Variants in TBC1D20 observed in about 807,000 individuals in gnomAD.
TBC1D20 encodes the protein chromosome 20 open reading frame 140.
In TBC1D20, 12 loss-of-function variants were observed where a neutral mutation model predicts 41.6. The observed-to-expected ratio is 0.29, with a 90% confidence interval of 0.18 to 0.47. The LOEUF (loss-of-function observed/expected upper bound fraction) is 0.47, where lower values mean the gene tolerates loss of function less well. Among genes scored for constraint, TBC1D20 ranks in the 20% least tolerant of loss-of-function variants. TBC1D20 has a pLI of 1.00. For missense variants in TBC1D20, 421 were observed against 517.4 expected, an observed-to-expected ratio of 0.81 and a Z score of 1.81; for synonymous variants, 205 against 204.8, an observed-to-expected ratio of 1.00 and a Z score of -0.01.
Position 435,875 on chromosome 20 carries a change from G to T in TBC1D20, c.*2711C>A. On this transcript the variant is annotated 3_prime_UTR_variant, in exon 8 of 8. Coordinates refer to ENST00000354200, the MANE Select transcript of TBC1D20 (RefSeq NM_144628.4). ...TATGGGGCAGCACCCTCTCTGGAAT[G>T]AGGGTCTTATGAGCTACAGTCAGAT... is the stretch of plus-strand genomic sequence containing the variant. 6.5e-6 allele frequency: 1 copy of T among 153,438 alleles called. No homozygotes were observed. The highest frequency in any genetic ancestry group is 1.9e-4 in the South Asian group (1 of 5,358). 9.5% of individuals were successfully genotyped at this position (153,438 alleles called of 1,614,324 possible).
intron 2 of TBC1D20, among the ~76,000 whole-genome samples, chr20:446,990 C>T (rs1360810682): frequency 6.8e-6 from 1 of 146,718 alleles, no homozygotes; most frequent in Non-Finnish European, 1.5e-5. Flanking sequence ...CACTCTGTCA[C>T]CCAGGCTGGA....
chr20:437,513 A>G lies in TBC1D20; in HGVS notation c.*1073T>C, dbSNP rs933034055. The G allele has an allele frequency of 1.3e-5, 2 of 152,432 alleles. No homozygotes were observed. Among genetic ancestry groups the G allele is most frequent in the African/African-American group, 2.4e-5 (1 of 41,416 alleles). The allele number at this position is 152,432 out of a possible 1,614,324, so 9.4% of individuals were successfully genotyped here. A position where few individuals can be genotyped will look rare whatever the true frequency, so the allele number is the denominator to read the frequency against. ...TCTGGAGAGTCTTTGCAAGTTTCCAACGACATTTCCAACCAGGTGGGAGAG... is the reference window on the plus strand; with the variant it reads ...TCTGGAGAGTCTTTGCAAGTTTCCAGCGACATTTCCAACCAGGTGGGAGAG... On this transcript the variant is annotated 3_prime_UTR_variant, in exon 8 of 8. Transcript: ENST00000354200.
chr20:439,419 A>G lies in TBC1D20; in HGVS notation c.769-124T>C. 1.4e-6 allele frequency: 1 copy of G among 691,492 alleles called. No individual in the cohort carries two copies. Among genetic ancestry groups the G allele is most frequent in the Non-Finnish European group, 2.5e-6 (1 of 407,540 alleles). The allele number at this position is 691,492 out of a possible 1,614,324, so 42.8% of individuals were successfully genotyped here. On this transcript the variant is annotated intron_variant, in intron 6 of 7. Coordinates refer to ENST00000354200, the MANE Select transcript of TBC1D20 (RefSeq NM_144628.4). This position sits in a 1 kb window ranked among gnomAD's most constrained non-coding sequence, Gnocchi z 4.6. ...CAGACAGGACTCAGCCCAAATGTTG[A>G]GCAAACTCTTGTATCCATCAAGGAA...
In TBC1D20 at chr20:449,285, T is replaced by TAAAAAAAAA. The variant is rs1169245536; in HGVS notation, c.71-1220_71-1212dup. On this transcript the variant is annotated intron_variant, in intron 1 of 7. Transcript: ENST00000354200. The stretch of plus-strand genomic sequence containing the variant: ...CTCCTGTCTCAGCCTCCCAATACAT[T>TAAAAAAAAA]AAAAAAAAAAAAAAAAAAAAGGTAA... Among the ~76,000 whole-genome samples the TAAAAAAAAA allele has an allele frequency of 1.8e-4, 10 of 56,930 alleles. 1 individual carries two copies. Among genetic ancestry groups the TAAAAAAAAA allele is most frequent in the African/African-American group, 8.3e-4 (9 of 10,870 alleles). The allele number at this position is 56,930 out of a possible 152,430, so 37.3% of individuals were successfully genotyped here.
chr20:453,153 C>CAAAAAAAAAAAA (rs71191943), intron 1 of TBC1D20, among the ~76,000 whole-genome samples: 1 of 44,838 alleles, frequency 2.2e-5, no homozygotes, highest in African/African-American at 8.6e-5. Flanking sequence ...AACTCCGTTT[C>CAAAAAAAAAAAA]AAAAAAAAAA....
Position 437,445 on chromosome 20 carries a change from A to G in TBC1D20, c.*1141T>C, listed in dbSNP as rs983335254. ...ACAAACCTGGCTTTGCTTACAGGGA[A>G]GCTGTCCCAGAAGGACTGAGTGATG... On this transcript the variant is annotated 3_prime_UTR_variant, in exon 8 of 8. Coordinates refer to ENST00000354200, the MANE Select transcript of TBC1D20 (RefSeq NM_144628.4). 3.9e-5 allele frequency: 6 copies of G among 152,658 alleles called. No individual in the cohort carries two copies. Among genetic ancestry groups the G allele is most frequent in the African/African-American group, 1.4e-4 (6 of 41,454 alleles). 9.5% of individuals were successfully genotyped at this position (152,658 alleles called of 1,614,324 possible).
intron 1 of TBC1D20, among the ~76,000 whole-genome samples, chr20:454,371 CA>C (rs1406622873): frequency 6.6e-6 from 1 of 151,678 alleles, no homozygotes; most frequent in African/African-American, 2.4e-5. Flanking sequence ...GGAGGACATT[CA>C]GGGGCTGGGA....
At chr20:438,918 C>T (rs1335055448) in intron 7 of TBC1D20, 77 bp from the exon 8 acceptor site, 14 of 1,552,860 alleles carry the variant, frequency 9.0e-6, no homozygotes, top group African/African-American at 6.9e-5. Context: ...ACATAGGCTG[C>T]GGGCAGAGCC....
chr20:440,641 C>G (rs2017210530), intron 5 of TBC1D20: 1 of 411,908 alleles, frequency 2.4e-6, no homozygotes, highest in African/African-American at 2.0e-5. Flanking sequence ...CAACAAATGT[C>G]AACTACAGGA....
intron 1 of TBC1D20, among the ~76,000 whole-genome samples, chr20:451,384 T>A (rs2017439422): frequency 6.6e-6 from 1 of 151,952 alleles, no homozygotes; most frequent in African/African-American, 2.4e-5. Flanking sequence ...GTCTCTACTT[T>A]AAAAATACAA....
intron 1 of TBC1D20, among the ~76,000 whole-genome samples, chr20:458,104 G>T (rs2017572372): frequency 6.6e-6 from 1 of 152,032 alleles, no homozygotes; most frequent in Admixed American, 6.6e-5. Context: ...AGTTTGTTTA[G>T]ACATACATCC....
intron 6 of TBC1D20, 131 bp downstream of exon 6, chr20:440,117 T>A: frequency 8.2e-7 from 1 of 1,220,706 alleles, no homozygotes; most frequent in Non-Finnish European, 1.1e-6. Context: ...CAGAATGGTG[T>A]CCAGGGACAC....
chr20:438,807 C>G lies in TBC1D20; in HGVS notation c.991G>C (p.Ala331Pro). The G allele has an allele frequency of 6.2e-7, 1 of 1,614,150 alleles. No homozygotes were observed. Among genetic ancestry groups the G allele is most frequent in the Middle Eastern group, 1.7e-4 (1 of 6,058 alleles). ...AASTFKDFEL[A>P]SAQQRPDMVL... ...ATATCAGGCCTCTGCTGGGCTGATGCCAGCTCAAAGTCTTTGAAAGTAGAG... is the reference window on the plus strand; with the variant it reads ...ATATCAGGCCTCTGCTGGGCTGATGGCAGCTCAAAGTCTTTGAAAGTAGAG... The change falls in exon 8 of 8, where the codon GCA (alanine) becomes CCA (proline). Residue 331 changes from alanine (A) to proline (P), a missense_variant. Physicochemically the swap from Ala to Pro is conservative, Grantham distance 27. This residue lies in a region of TBC1D20 where 161 missense variants were observed against 182.7 expected (regional missense o/e 0.88). Coordinates refer to ENST00000354200, the MANE Select transcript of TBC1D20 (RefSeq NM_144628.4).
chr20:453,987 T>G (rs1358772443), intron 1 of TBC1D20, among the ~76,000 whole-genome samples: 1 of 148,652 alleles, frequency 6.7e-6, no homozygotes. Context: ...ACGCCTGCAA[T>G]TCCAGCAGTT....
At chr20:462,292 C>A in intron 1 of TBC1D20, 44 bp downstream of exon 1, 1 of 1,239,430 alleles carries the variant, frequency 8.1e-7, no homozygotes, top group Middle Eastern at 3.1e-4. Context: ...GCCCCCCGGG[C>A]CGCCCTCGCA....
rs2017189110 is a variant in TBC1D20 at position 439,695 on chromosome 20, C to T, written c.769-400G>A. ...AAACAGTAGAAAGAACAGTCTTGCTCCCTTTAAGCATCTTCCTTCTGACTG... is the reference window on the plus strand; with the variant it reads ...AAACAGTAGAAAGAACAGTCTTGCTTCCTTTAAGCATCTTCCTTCTGACTG... On this transcript the variant is annotated intron_variant, in intron 6 of 7. Coordinates refer to ENST00000354200, the MANE Select transcript of TBC1D20 (RefSeq NM_144628.4). This position sits in a 1 kb window ranked among gnomAD's most constrained non-coding sequence, Gnocchi z 4.6. 6.6e-6 allele frequency among the ~76,000 whole-genome samples: 1 copy of T among 152,204 alleles called. No individual in the cohort carries two copies. Among genetic ancestry groups the T allele is most frequent in the African/African-American group, 2.4e-5 (1 of 41,450 alleles).
At chr20:448,104 G>T in intron 1 of TBC1D20, 30 bp from the exon 2 acceptor site, 3 of 1,530,740 alleles carry the variant, frequency 2.0e-6, no homozygotes, top group Non-Finnish European at 2.7e-6. Context: ...AGAATTAGGC[G>T]CACATTCAGC....
At position 439,242 on chromosome 20, in the gene TBC1D20, C is replaced by T. The variant is rs1040267789; in HGVS notation, c.822G>A (p.Ser274=). The change falls in exon 7 of 8, where the codon TCG becomes TCA. Residue 274 remains serine (S), a synonymous_variant. Transcript: ENST00000354200. This position sits in a 1 kb window ranked among gnomAD's most constrained non-coding sequence, Gnocchi z 4.6. ...EVLDCDCDMA[S]VHHLLSQIPQ... is the part of the protein sequence containing the mutation. ...GGATCTGGGACAACAGGTGGTGGAC[C>T]GAGGCCATGTCACAGTCACAGTCCA... is the stretch of plus-strand genomic sequence containing the variant. 10 of 1,613,986 alleles carry T rather than the reference C, an allele frequency of 6.2e-6. No homozygotes were observed. Among genetic ancestry groups the T allele is most frequent in the East Asian group, 2.2e-5 (1 of 44,884 alleles).
chr20:460,478 A>G lies in TBC1D20; in HGVS notation c.70+1858T>C, dbSNP rs149584793. On this transcript the variant is annotated intron_variant, in intron 1 of 7. Coordinates refer to ENST00000354200, the MANE Select transcript of TBC1D20 (RefSeq NM_144628.4). The stretch of plus-strand genomic sequence containing the variant: ...TGCTTTAACTCCACGTCTGTACCAG[A>G]AGACCACAGCAGGAGAGGAAAACCT... Among the ~76,000 whole-genome samples, 477 of 152,192 alleles carry G rather than the reference A, an allele frequency of 3.1e-3. 2 individuals are homozygous for G. Among genetic ancestry groups the G allele is most frequent in the Middle Eastern group, 0.031 (9 of 294 alleles).
Sources: allele counts gnomAD v4.1 joint callset (sites outside exome capture counted in the v4.1 genomes callset), GRCh38; gene constraint gnomAD v4.1.1; regional missense constraint gnomAD v4.1.1; non-coding constraint Gnocchi (gnomAD v3.1); transcripts MANE v1.5; gene names NCBI Gene and HGNC (gene_info 2026-07-23, HGNC 2026-07-21).